The following LURAP1 variants were observed in gnomAD, a reference collection of about 807,000 sequenced individuals.
LURAP1 encodes the protein leucine rich adaptor protein 1, also known as NF-kappa-B activator C1orf190.
A neutral mutation model predicts 19.0 loss-of-function variants in LURAP1; 14 were observed. That is an observed-to-expected ratio of 0.74 (90% confidence interval 0.49 to 1.15). The LOEUF (loss-of-function observed/expected upper bound fraction) is 1.15, where lower values mean the gene tolerates loss of function less well. LURAP1 is among the 50% of genes most tolerant of loss of function. The probability of loss-of-function intolerance (pLI) is 0.00; values close to 1 mark genes in which losing one functional copy is unlikely to be tolerated. For missense variants in LURAP1, 273 were observed against 309.1 expected, an observed-to-expected ratio of 0.88 and a Z score of 0.87; for synonymous variants, 129 against 131.8, an observed-to-expected ratio of 0.98 and a Z score of 0.14.
At chr1:46,208,062 G>A (rs1316204020) in intron 1 of LURAP1, among the ~76,000 whole-genome samples, 1 of 151,594 alleles carries the variant, frequency 6.6e-6, no homozygotes, top group African/African-American at 2.4e-5. Context: ...GTTTCACCAC[G>A]TTGGCCAGGC....
In LURAP1 at chr1:46,220,277, C is replaced by T. The variant is rs895971649; in HGVS notation, c.*57C>T. The T allele has an allele frequency of 1.2e-4, 180 of 1,509,614 alleles. No individual in the cohort carries two copies. The highest frequency in any genetic ancestry group is 1.8e-4 in the Middle Eastern group (1 of 5,660). 93.5% of individuals were successfully genotyped at this position (1,509,614 alleles called of 1,614,324 possible). A position where few individuals can be genotyped will look rare whatever the true frequency, so the allele number is the denominator to read the frequency against. On this transcript the variant is annotated 3_prime_UTR_variant, in exon 2 of 2. Coordinates refer to ENST00000371980, the MANE Select transcript of LURAP1 (RefSeq NM_001013615.3). ...TCTTTTATCCATTAGATGTGGTCTCCCCCAAAATTGATTCTCCCTCAGTCT... is the reference window on the plus strand; with the variant it reads ...TCTTTTATCCATTAGATGTGGTCTCTCCCAAAATTGATTCTCCCTCAGTCT...
At chr1:46,218,554 C>A (rs948592830) in intron 1 of LURAP1, among the ~76,000 whole-genome samples, 2 of 152,210 alleles carry the variant, frequency 1.3e-5, no homozygotes, top group Non-Finnish European at 2.9e-5. Flanking sequence ...AGATTTCATT[C>A]TCTAAGAGGA....
At chr1:46,206,019 C>T (rs1412146201) in intron 1 of LURAP1, among the ~76,000 whole-genome samples, 2 of 152,216 alleles carry the variant, frequency 1.3e-5, no homozygotes, top group Non-Finnish European at 2.9e-5. Flanking sequence ...CTTCCTCTAC[C>T]CTCCATTCAA....
chr1:46,203,510 C>G lies in LURAP1; in HGVS notation c.84C>G (p.Leu28=), dbSNP rs562545438. 1.0e-5 allele frequency: 16 copies of G among 1,559,880 alleles called. No homozygotes were observed. The South Asian group carries it at 1.7e-4, about 16-fold the overall frequency. Residue 28 remains leucine, a synonymous_variant, in exon 1 of 2, where the codon CTC becomes CTG. Transcript: ENST00000371980. ...GCAGGAAGACCCCTGAAGGGCTGCTCCGCGGGCTGCGAGGCGAGTGTGAGC... is the reference window on the plus strand; with the variant it reads ...GCAGGAAGACCCCTGAAGGGCTGCTGCGCGGGCTGCGAGGCGAGTGTGAGC... The part of the protein sequence containing the change: ...KVGRKTPEGL[L]RGLRGECELG...
chr1:46,212,096 G>A (rs1358314422), intron 1 of LURAP1, among the ~76,000 whole-genome samples: 2 of 151,944 alleles, frequency 1.3e-5, no homozygotes, highest in Non-Finnish European at 2.9e-5. Flanking sequence ...GTCTTACTCT[G>A]GTTTATCATA....
rs566362961 is a variant in LURAP1, at chr1:46,219,821, C to A, written c.321C>A (p.Leu107=). The change falls in exon 2 of 2, where the codon CTC becomes CTA. Residue 107 remains leucine (L), a synonymous_variant. Transcript: ENST00000371980. ...CGTTGACCAGTCATTGCAGCAGCCT[C>A]ACCAGCAGTCAATATAGCCTGACAG... The part of the protein sequence containing the change: ...RGTLTSHCSS[L]TSSQYSLTGG... The A allele has an allele frequency of 3.7e-6, 6 of 1,614,202 alleles. No homozygotes were observed. The Admixed American group carries it at 1.0e-4, about 27-fold the overall frequency.
intron 1 of LURAP1, among the ~76,000 whole-genome samples, chr1:46,205,238 A>G (rs990617739): frequency 1.3e-5 from 2 of 152,066 alleles, no homozygotes; most frequent in Non-Finnish European, 2.9e-5. Context: ...AGCCTGGGTG[A>G]CAGAGCTCAG....
chr1:46,214,198 T>C (rs1031033291), intron 1 of LURAP1, among the ~76,000 whole-genome samples: 1 of 151,728 alleles, frequency 6.6e-6, no homozygotes, highest in African/African-American at 2.4e-5. Flanking sequence ...ATACAAAAAT[T>C]AGCTGGTTGT....
At chr1:46,210,835 C>T (rs1658871250) in intron 1 of LURAP1, among the ~76,000 whole-genome samples, 1 of 152,068 alleles carries the variant, frequency 6.6e-6, no homozygotes, top group Non-Finnish European at 1.5e-5. Flanking sequence ...AGTACAGTGG[C>T]TCAATCACAG....
Position 46,220,363 on chromosome 1 carries a change from T to A in LURAP1, c.*143T>A. 1.2e-6 allele frequency: 1 copy of A among 847,962 alleles called. No individual in the cohort carries two copies. The highest frequency in any genetic ancestry group is 1.8e-6 in the Non-Finnish European group (1 of 555,466). The allele number at this position is 847,962 out of a possible 1,614,324, so 52.5% of individuals were successfully genotyped here. A position where few individuals can be genotyped will look rare whatever the true frequency, so the allele number is the denominator to read the frequency against. On this transcript the variant is annotated 3_prime_UTR_variant, in exon 2 of 2. Coordinates refer to ENST00000371980, the MANE Select transcript of LURAP1 (RefSeq NM_001013615.3). ...ATGGAAACCTGGCTCATCATTTCTC[T>A]AGTCCCTAGGGAGTCTCTGCCTTTA...
rs1490057216 is a variant in LURAP1 at position 46,219,956 on chromosome 1, C to T, written c.456C>T (p.Ala152=). ...TTGGCAGCTTCCTGGACACAGTGGC[C>T]CCCAGCGAGCTGGATGAACAGGGCC... ...VSIGSFLDTV[A]PSELDEQGPP... The change falls in exon 2 of 2, where the codon GCC becomes GCT. Residue 152 remains alanine, a synonymous_variant. Transcript: ENST00000371980. 1 of 1,614,258 alleles carries T rather than the reference C, an allele frequency of 6.2e-7. No individual in the cohort carries two copies.
rs149052756 is a variant in LURAP1, at chr1:46,208,743, A to G, written c.198+5119A>G. On this transcript the variant is annotated intron_variant, in intron 1 of 1. Transcript: ENST00000371980. ...GTAATCCCAGCTACTAGGGAAGCTG[A>G]GGCAGGAAAATCGCTTGAACCCTGG... 4.2e-3 allele frequency among the ~76,000 whole-genome samples: 633 copies of G among 152,270 alleles called. 3 individuals carry two copies. Among genetic ancestry groups the G allele is most frequent in the Middle Eastern group, 0.037 (11 of 294 alleles).
chr1:46,215,869 C>T (rs1175378024), intron 1 of LURAP1, among the ~76,000 whole-genome samples: 2 of 152,236 alleles, frequency 1.3e-5, no homozygotes, highest in African/African-American at 2.4e-5. Context: ...CACTGCACTC[C>T]AGCCTGGGCT....
chr1:46,218,419 C>T (rs1659130423), intron 1 of LURAP1, among the ~76,000 whole-genome samples: 1 of 152,162 alleles, frequency 6.6e-6, no homozygotes, highest in Non-Finnish European at 1.5e-5. Flanking sequence ...CTAAATAAAA[C>T]TAGTTTTAAA....
At chr1:46,213,161 A>C (rs188617595) in intron 1 of LURAP1, among the ~76,000 whole-genome samples, 5 of 152,000 alleles carry the variant, frequency 3.3e-5, no homozygotes, top group Admixed American at 1.3e-4. Context: ...ATACACAAAT[A>C]TTTATATGAT....
At chr1:46,217,582 G>A (rs111748380) in intron 1 of LURAP1, among the ~76,000 whole-genome samples, 1,526 of 152,154 alleles carry the variant, frequency 0.01, 22 homozygotes, top group African/African-American at 0.034. Flanking sequence ...CTGCCTGGGC[G>A]TGGTGGTTCA....
At position 46,204,850 on chromosome 1, in the gene LURAP1, C is replaced by G. The variant is rs76365885; in HGVS notation, c.198+1226C>G. On this transcript the variant is annotated intron_variant, in intron 1 of 1. Transcript: ENST00000371980. ...AGTAAGAGCCTATCTAGACTGTCTA[C>G]TTGCTTTGAAAACTTTCACCCAGTG... is the stretch of plus-strand genomic sequence containing the variant. Among the ~76,000 whole-genome samples, 804 of 152,338 alleles carry G rather than the reference C, an allele frequency of 5.3e-3. 6 individuals are homozygous for G. Among genetic ancestry groups the G allele is most frequent in the Middle Eastern group, 0.041 (12 of 294 alleles).
At chr1:46,216,307 A>G (rs922432996) in intron 1 of LURAP1, among the ~76,000 whole-genome samples, 2 of 151,568 alleles carry the variant, frequency 1.3e-5, no homozygotes, top group Non-Finnish European at 2.9e-5. Flanking sequence ...CGGCCTCCCA[A>G]AGTGCTGGGA....
chr1:46,216,404 C>T (rs554736059), intron 1 of LURAP1, among the ~76,000 whole-genome samples: 1 of 152,160 alleles, frequency 6.6e-6, no homozygotes, highest in African/African-American at 2.4e-5. Context: ...TGCAGTGGCA[C>T]CACCATGGAT....
Sources: allele counts gnomAD v4.1 joint callset (sites outside exome capture counted in the v4.1 genomes callset), GRCh38; gene constraint gnomAD v4.1.1; transcripts MANE v1.5; gene names NCBI Gene and HGNC (gene_info 2026-07-23, HGNC 2026-07-21).